The following GASK1B variants were observed in gnomAD, a reference collection of about 807,000 sequenced individuals.
The protein encoded by GASK1B is Golgi-associated kinase 1B.
GASK1B carries 34 observed loss-of-function variants against 42.8 expected under a neutral mutation model. The ratio of observed to expected loss-of-function variants is 0.79; its 90% CI spans 0.60 to 1.06. The LOEUF is 1.06. GASK1B is among the 50% of genes least tolerant of loss of function. GASK1B has a pLI of 0.00. For missense variants in GASK1B, 686 were observed against 661.0 expected (o/e 1.04, Z -0.42); for synonymous variants, 262 against 259.1 (o/e 1.01, Z -0.11).
intron 3 of GASK1B, among the ~76,000 whole-genome samples, chr4:158,147,799 C>T (rs956589549): frequency 2.6e-5 from 4 of 151,868 alleles, no homozygotes; most frequent in South Asian, 2.1e-4. Flanking sequence ...GATTGACAAA[C>T]GTTAATTTTC....
Position 158,171,155 on chromosome 4 carries a change from C to T in GASK1B, c.221G>A (p.Arg74His). The T allele has an allele frequency of 2.5e-6, 4 of 1,608,320 alleles. No homozygotes were observed. Among genetic ancestry groups the T allele is most frequent in the Admixed American group, 1.7e-5 (1 of 59,794 alleles). The part of the protein sequence containing the change: ...QAAEKGPHRS[R>H]DTAEPSFPEI... Reference sequence around the variant, plus strand: ...AGGGAAGGATGGCTCGGCGGTGTCGCGGCTGCGATGTGGCCCCTTCTCAGC... The same window carrying T: ...AGGGAAGGATGGCTCGGCGGTGTCGTGGCTGCGATGTGGCCCCTTCTCAGC... Residue 74 changes from arginine (R) to histidine (H), a missense_variant, in exon 2 of 5, where the codon CGC (arginine) becomes CAC (histidine). Transcript: ENST00000585682.
chr4:158,159,089 G>C (rs1016194465), intron 2 of GASK1B, among the ~76,000 whole-genome samples: 5 of 151,978 alleles, frequency 3.3e-5, no homozygotes, highest in African/African-American at 1.2e-4. Context: ...AAGTATAATT[G>C]GTTTTCAATT....
chr4:158,136,797 A>G (rs1231665073), intron 3 of GASK1B, among the ~76,000 whole-genome samples: 2 of 152,240 alleles, frequency 1.3e-5, no homozygotes, highest in Admixed American at 1.3e-4. Flanking sequence ...AGAAAGAAGA[A>G]TGCATATCAG....
chr4:158,153,620 A>C (rs559788636), intron 3 of GASK1B, among the ~76,000 whole-genome samples: 33 of 152,228 alleles, frequency 2.2e-4, no homozygotes, highest in Admixed American at 3.9e-4. Flanking sequence ...ATAAGGCTAT[A>C]GTCACCAAAA....
At chr4:158,136,804 T>C (rs759070827) in intron 3 of GASK1B, among the ~76,000 whole-genome samples, 3 of 152,210 alleles carry the variant, frequency 2.0e-5, no homozygotes, top group Admixed American at 6.5e-5. Context: ...AGAATGCATA[T>C]CAGAGAGAAA....
intron 2 of GASK1B, among the ~76,000 whole-genome samples, chr4:158,156,240 T>C (rs552029438): frequency 1.3e-5 from 2 of 152,280 alleles, no homozygotes; most frequent in East Asian, 3.9e-4. Flanking sequence ...TAATAACAAC[T>C]GTCTGATTTT....
rs1041021822 is a variant in GASK1B, at chr4:158,125,585, G to A, written c.*1822C>T. 6 of 152,048 alleles carry A rather than the reference G, an allele frequency of 3.9e-5. No homozygotes were observed. The highest frequency in any genetic ancestry group is 1.3e-4 in the Admixed American group (2 of 15,248). 9.4% of individuals were successfully genotyped at this position (152,048 alleles called of 1,614,324 possible). On this transcript the variant is annotated 3_prime_UTR_variant, in exon 5 of 5. Coordinates refer to ENST00000585682, the MANE Select transcript of GASK1B (RefSeq NM_001128424.2). Reference sequence around the variant, plus strand: ...GAGGATGATTTATAAGAGAAGAAAAGGATCTTAAAAATCCCAGAGACAGTG... The same window carrying A: ...GAGGATGATTTATAAGAGAAGAAAAAGATCTTAAAAATCCCAGAGACAGTG...
At chr4:158,137,134 G>A (rs1216792538) in intron 3 of GASK1B, among the ~76,000 whole-genome samples, 1 of 152,020 alleles carries the variant, frequency 6.6e-6, no homozygotes. Flanking sequence ...GTGTGCTTTT[G>A]GTTAGTTTCT....
At chr4:158,145,070 G>A (rs1267575143) in intron 3 of GASK1B, among the ~76,000 whole-genome samples, 1 of 152,156 alleles carries the variant, frequency 6.6e-6, no homozygotes, top group African/African-American at 2.4e-5. Flanking sequence ...TATCAAGGGG[G>A]CCATAGTTGG....
intron 3 of GASK1B, among the ~76,000 whole-genome samples, chr4:158,154,438 G>C (rs572672120): frequency 6.6e-6 from 1 of 152,146 alleles, no homozygotes; most frequent in Non-Finnish European, 1.5e-5. Context: ...AACTACTATG[G>C]GAAACAGTGT....
At chr4:158,168,644 C>G (rs560210663) in intron 2 of GASK1B, 1 of 152,124 alleles carries the variant, frequency 6.6e-6, no homozygotes, top group Non-Finnish European at 1.5e-5. Context: ...ATTTCCAAGT[C>G]GTATGATTGG....
chr4:158,131,887 C>G (rs1730697171), intron 3 of GASK1B, among the ~76,000 whole-genome samples: 1 of 152,084 alleles, frequency 6.6e-6, no homozygotes, highest in African/African-American at 2.4e-5. Context: ...ACCTCGAACA[C>G]CTGGTAGAAA....
At chr4:158,128,915 A>T (rs1195198048) in intron 4 of GASK1B, among the ~76,000 whole-genome samples, 1 of 152,202 alleles carries the variant, frequency 6.6e-6, no homozygotes, top group East Asian at 1.9e-4. Context: ...TAATCCATGA[A>T]TTGTCAATTC....
chr4:158,155,750 T>C lies in GASK1B; in HGVS notation c.986A>G (p.Lys329Arg). 6.2e-7 allele frequency: 1 copy of C among 1,613,926 alleles called. No individual in the cohort carries two copies. Residue 329 changes from lysine to arginine, a missense_variant, in exon 3 of 5, where the codon AAG becomes AGG. Lys to Arg is a conservative substitution (Grantham distance 26). Coordinates refer to ENST00000585682, the MANE Select transcript of GASK1B (RefSeq NM_001128424.2). ...SASNDTHSSV[K>R]LTWGTYQQLL... ...CTGCTGATAAGTTCCCCAGGTGAGC[T>C]TAACAGAAGAATGGGTGTCATTACT...
At chr4:158,137,094 G>T (rs1229930438) in intron 3 of GASK1B, among the ~76,000 whole-genome samples, 2 of 152,104 alleles carry the variant, frequency 1.3e-5, no homozygotes, top group African/African-American at 4.8e-5. Context: ...AAATTGAACA[G>T]GCCAAATAAT....
At chr4:158,157,967 A>G (rs1334993680) in intron 2 of GASK1B, among the ~76,000 whole-genome samples, 2 of 152,088 alleles carry the variant, frequency 1.3e-5, no homozygotes, top group Non-Finnish European at 2.9e-5. Context: ...TTATTTGTAT[A>G]TTTACTTCCA....
intron 2 of GASK1B, chr4:158,167,341 T>C (rs750040872): frequency 4.6e-5 from 7 of 152,194 alleles, no homozygotes; most frequent in Non-Finnish European, 1.0e-4. Context: ...ACACTGATAG[T>C]TCTCACAAGA....
Position 158,126,245 on chromosome 4 carries a change from T to C in GASK1B, c.*1162A>G, listed in dbSNP as rs1442799745. 1.3e-5 allele frequency: 2 copies of C among 152,150 alleles called. No homozygotes were observed. The highest frequency in any genetic ancestry group is 2.9e-5 in the Non-Finnish European group (2 of 67,998). The allele number at this position is 152,150 out of a possible 1,614,324, so 9.4% of individuals were successfully genotyped here. On this transcript the variant is annotated 3_prime_UTR_variant, in exon 5 of 5. Transcript: ENST00000585682. ...ATAAAGATGCAACACATGAACCTGA[T>C]TTGTCCATGTCTTCCAATCTGATTT...
intron 3 of GASK1B, among the ~76,000 whole-genome samples, chr4:158,135,992 A>G (rs1008793628): frequency 2.6e-5 from 4 of 152,126 alleles, no homozygotes; most frequent in African/African-American, 9.7e-5. Flanking sequence ...CAGAGAAATA[A>G]AGTTTTTGAA....
Sources: allele counts gnomAD v4.1 joint callset (sites outside exome capture counted in the v4.1 genomes callset), GRCh38; gene constraint gnomAD v4.1.1; transcripts MANE v1.5; gene names NCBI Gene and HGNC (gene_info 2026-07-23, HGNC 2026-07-21).